Variants in OSBPL9 observed in about 807,000 individuals in gnomAD.
OSBPL9 encodes oxysterol-binding protein-related protein 9.
Under a neutral mutation model 106.6 loss-of-function variants are expected in OSBPL9, and 40 were observed. That is an observed-to-expected ratio of 0.38 (90% confidence interval 0.29 to 0.49). The LOEUF is 0.49. Among genes scored for constraint, OSBPL9 ranks in the 20% least tolerant of loss-of-function variants. The pLI is 0.97. For missense variants in OSBPL9, 609 were observed against 887.2 expected, an observed-to-expected ratio of 0.69 and a Z score of 3.98; for synonymous variants, 269 against 295.4, an observed-to-expected ratio of 0.91 and a Z score of 0.92.
intron 4 of OSBPL9, among the ~76,000 whole-genome samples, chr1:51,733,702 G>A (rs1438568972): frequency 2.0e-5 from 3 of 152,012 alleles, no homozygotes. Context: ...TTGAACCTGG[G>A]AGGAGGAGGT....
the OSBPL9 span, among the ~76,000 whole-genome samples, chr1:51,521,020 T>C: frequency 6.6e-6 from 1 of 152,230 alleles, no homozygotes; most frequent in African/African-American, 2.4e-5. Context: ...TATTAGCACA[T>C]TTGAGCTTCA....
upstream of OSBPL9, among the ~76,000 whole-genome samples, chr1:51,576,546 G>C (rs745798073): frequency 6.6e-6 from 1 of 151,366 alleles, no homozygotes; most frequent in Non-Finnish European, 1.5e-5. Context: ...TGTTTGTTTT[G>C]GGACAGGGTC....
chr1:51,580,040 A>T (rs1304547682), intron 1 of OSBPL9, among the ~76,000 whole-genome samples: 1 of 152,086 alleles, frequency 6.6e-6, no homozygotes, highest in East Asian at 1.9e-4. Flanking sequence ...CTAGCAATCC[A>T]ACTGATTCTC....
chr1:51,633,823 C>G (rs1444439225), intron 1 of OSBPL9, among the ~76,000 whole-genome samples: 1 of 152,070 alleles, frequency 6.6e-6, no homozygotes, highest in Non-Finnish European at 1.5e-5. Context: ...TGGGGCCTCA[C>G]TATGTTGCCC....
In OSBPL9 at chr1:51,708,186, C is replaced by T. The variant is rs114952126; in HGVS notation, c.242-5817C>T. On this transcript the variant is annotated intron_variant, in intron 3 of 23. Coordinates refer to ENST00000428468, the MANE Select transcript of OSBPL9 (RefSeq NM_024586.6). Reference sequence around the variant, plus strand: ...ACGGCTGGTGGTGCATGAGAAGGGGCGGCTGTCTGTCAAATGAGAGGAGCA... The same window carrying T: ...ACGGCTGGTGGTGCATGAGAAGGGGTGGCTGTCTGTCAAATGAGAGGAGCA... 1.3e-3 allele frequency: 213 copies of T among 157,950 alleles called. 1 individual carries two copies. The highest frequency in any genetic ancestry group is 4.9e-3 in the African/African-American group (206 of 41,624). 9.8% of individuals were successfully genotyped at this position (157,950 alleles called of 1,614,324 possible).
chr1:51,649,624 A>C (rs1448537187), intron 1 of OSBPL9, among the ~76,000 whole-genome samples: 1 of 151,276 alleles, frequency 6.6e-6, no homozygotes, highest in East Asian at 1.9e-4. Flanking sequence ...GAAACTTGAA[A>C]CCTGATCATT....
Position 51,787,507 on chromosome 1 carries a change from C to CGTGG in OSBPL9, c.2136+19_2136+20insGTGG, listed in dbSNP as rs1007972888. The CGTGG allele has an allele frequency of 1.9e-6, 3 of 1,613,536 alleles. No homozygotes were observed. In the African/African-American group the frequency reaches 4.0e-5, roughly 22 times the overall value. On this transcript the variant is annotated intron_variant, in intron 23 of 23. Coordinates refer to ENST00000428468, the MANE Select transcript of OSBPL9 (RefSeq NM_024586.6). ...GACAAGGGTAAGCTTGCCTGCCCCA[C>CGTGG]CCTCCTAAGTGCTGTTCCTCCTAAT... is the stretch of plus-strand genomic sequence containing the variant.
the OSBPL9 span, chr1:51,561,944 G>A: frequency 2.0e-5 from 3 of 152,176 alleles, no homozygotes; most frequent in East Asian, 1.9e-4. Context: ...AAATGGTGGC[G>A]TCAGGCTTAT....
chr1:51,719,693 A>C (rs1661712741), intron 4 of OSBPL9, among the ~76,000 whole-genome samples: 1 of 152,228 alleles, frequency 6.6e-6, no homozygotes, highest in Admixed American at 6.5e-5. Flanking sequence ...GAATGCCAAT[A>C]TATAAGTAAA....
chr1:51,722,968 A>G (rs575245952), intron 4 of OSBPL9, among the ~76,000 whole-genome samples: 2 of 152,370 alleles, frequency 1.3e-5, no homozygotes, highest in South Asian at 4.1e-4. Flanking sequence ...TTGATTAACT[A>G]TAACAACAAC....
At chr1:51,711,820 C>A (rs1011447004) in intron 3 of OSBPL9, among the ~76,000 whole-genome samples, 3 of 150,530 alleles carry the variant, frequency 2.0e-5, no homozygotes, top group Admixed American at 2.0e-4. Context: ...TGATGGGCGG[C>A]GGGGCAGAGA....
intron 1 of OSBPL9, among the ~76,000 whole-genome samples, chr1:51,580,975 T>C (rs1240079432): frequency 1.6e-5 from 2 of 122,462 alleles, no homozygotes; most frequent in Non-Finnish European, 3.4e-5. Flanking sequence ...AACAGAGTCT[T>C]GCTCTGTTGC....
upstream of OSBPL9, among the ~76,000 whole-genome samples, chr1:51,574,610 C>T (rs1352597106): frequency 6.6e-6 from 1 of 151,670 alleles, no homozygotes; most frequent in African/African-American, 2.4e-5. Flanking sequence ...CAGAGCGAGA[C>T]TCTGTATCAA....
At chr1:51,526,803 G>A in the OSBPL9 span, among the ~76,000 whole-genome samples, 1 of 151,892 alleles carries the variant, frequency 6.6e-6, no homozygotes, top group Admixed American at 6.6e-5. Context: ...GGAGTGCAGT[G>A]GCGCAATCTC....
upstream of OSBPL9, among the ~76,000 whole-genome samples, chr1:51,573,244 C>T (rs1266066951): frequency 1.3e-5 from 2 of 150,916 alleles, no homozygotes; most frequent in African/African-American, 2.4e-5. Context: ...TGCAGTGGCT[C>T]ACACCTATAA....
intron 2 of OSBPL9, among the ~76,000 whole-genome samples, chr1:51,656,566 C>G (rs1033953866): frequency 6.6e-6 from 1 of 152,028 alleles, no homozygotes; most frequent in African/African-American, 2.4e-5. Flanking sequence ...TCTGTGAAGC[C>G]TTTCTAATCC....
chr1:51,617,134 G>A lies in OSBPL9; in HGVS notation c.24G>A (p.Pro8=), dbSNP rs764872854. Residue 8 remains proline (P), a synonymous_variant, in exon 1 of 24, where the codon CCG becomes CCA. Transcript: ENST00000428468. Reference sequence around the variant, plus strand: ...AGATGGCGTCCATCATGGAAGGGCCGCTGAGCAAATGGACTAACGTGATGA... The same window carrying A: ...AGATGGCGTCCATCATGGAAGGGCCACTGAGCAAATGGACTAACGTGATGA... MASIMEG[P]LSKWTNVMKG... is the part of the protein sequence containing the mutation. 5 of 1,597,782 alleles carry A rather than the reference G, an allele frequency of 3.1e-6. No individual in the cohort carries two copies. The highest frequency in any genetic ancestry group is 2.3e-5 in the East Asian group (1 of 43,646).
At chr1:51,597,109 G>A (rs1446332031) in intron 1 of OSBPL9, among the ~76,000 whole-genome samples, 4 of 152,142 alleles carry the variant, frequency 2.6e-5, no homozygotes, top group Non-Finnish European at 5.9e-5. Context: ...AGGAGGATGA[G>A]TTTGTCACAT....
intron 1 of OSBPL9, among the ~76,000 whole-genome samples, chr1:51,586,731 C>T (rs2148600324): frequency 6.6e-6 from 1 of 152,260 alleles, no homozygotes; most frequent in East Asian, 1.9e-4. Context: ...AATGTTTTGC[C>T]CCAGTCCACG....
Sources: allele counts gnomAD v4.1 joint callset (sites outside exome capture counted in the v4.1 genomes callset), GRCh38; gene constraint gnomAD v4.1.1; transcripts MANE v1.5; gene names NCBI Gene and HGNC (gene_info 2026-07-23, HGNC 2026-07-21).